The following SIPA1L3 variants were observed in gnomAD, a reference collection of about 807,000 sequenced individuals.
SIPA1L3 encodes the protein signal induced proliferation associated 1 like 3, also known as signal-induced proliferation-associated 1-like protein 3.
Under a neutral mutation model 150.1 loss-of-function variants are expected in SIPA1L3, and 59 were observed. That is an observed-to-expected ratio of 0.39 (90% CI 0.32 to 0.49). The LOEUF (loss-of-function observed/expected upper bound fraction) is 0.49, where lower values mean the gene tolerates loss of function less well. SIPA1L3 is among the 20% of genes least tolerant of loss of function. SIPA1L3 has a pLI of 0.86. For missense variants in SIPA1L3, 2,211 were observed against 2,489.5 expected (o/e 0.89, Z 2.38); for synonymous variants, 1,070 against 1,077.6 (o/e 0.99, Z 0.14).
intron 16 of SIPA1L3, among the ~76,000 whole-genome samples, chr19:38,189,742 G>A (rs1972764804): frequency 6.6e-6 from 1 of 152,102 alleles, no homozygotes; most frequent in Admixed American, 6.5e-5. Flanking sequence ...CTCCAGTCTG[G>A]GCAACAGAGC....
rs1312388924 is a variant in SIPA1L3, at chr19:38,100,168, G to A, written c.1854+18G>A. On this transcript the variant is annotated intron_variant, in intron 5 of 21. Transcript: ENST00000222345. ...AGCAAGGGGTGAGTCAGGGGCTGGAGGTGGGGGTGCTGCTGGGGCAGTACC... is the reference window on the plus strand; with the variant it reads ...AGCAAGGGGTGAGTCAGGGGCTGGAAGTGGGGGTGCTGCTGGGGCAGTACC... The A allele has an allele frequency of 6.5e-7, 1 of 1,527,596 alleles. No individual in the cohort carries two copies. The highest frequency in any genetic ancestry group is 2.2e-5 in the Admixed American group (1 of 45,450). 94.6% of individuals were successfully genotyped at this position (1,527,596 alleles called of 1,614,324 possible).
chr19:37,976,370 A>G (rs537402743), intron 1 of SIPA1L3, among the ~76,000 whole-genome samples: 19 of 152,234 alleles, frequency 1.2e-4, no homozygotes, highest in Middle Eastern at 3.4e-3. Context: ...TCCAACTTGT[A>G]AAATATTTGT....
At chr19:38,057,578 T>G (rs904080514) in intron 2 of SIPA1L3, among the ~76,000 whole-genome samples, 9 of 152,012 alleles carry the variant, frequency 5.9e-5, no homozygotes, top group Non-Finnish European at 8.8e-5. Context: ...CTATGAATTT[T>G]TCTGCATCTC....
intron 1 of SIPA1L3, among the ~76,000 whole-genome samples, chr19:38,023,991 T>A (rs1968441691): frequency 1.3e-5 from 2 of 151,718 alleles, no homozygotes; most frequent in Admixed American, 1.3e-4. Flanking sequence ...CCGGTTAGAT[T>A]GGCCAGCCCT....
chr19:37,959,132 A>AT (rs1166173277), intron 1 of SIPA1L3, among the ~76,000 whole-genome samples: 11 of 152,258 alleles, frequency 7.2e-5, no homozygotes, highest in African/African-American at 2.7e-4. Context: ...TACTCAAAAA[A>AT]ATATATACAT....
rs373592094 is a variant in SIPA1L3, at chr19:37,968,578, G to A, written c.-378-60511G>A. 2.6e-5 allele frequency among the ~76,000 whole-genome samples: 4 copies of A among 152,168 alleles called. No individual in the cohort carries two copies. The South Asian group carries it at 6.2e-4, about 24-fold the overall frequency. On this transcript the variant is annotated intron_variant, in intron 1 of 21. Transcript: ENST00000222345. Reference sequence around the variant, plus strand: ...AAAGAAAACCAAACCCAAACTGTCCGAAGGAAATGGAGATAACATGATGGA... The same window carrying A: ...AAAGAAAACCAAACCCAAACTGTCCAAAGGAAATGGAGATAACATGATGGA...
At chr19:37,959,401 A>G (rs769389869) in intron 1 of SIPA1L3, among the ~76,000 whole-genome samples, 13 of 152,236 alleles carry the variant, frequency 8.5e-5, no homozygotes, top group Non-Finnish European at 1.6e-4. Flanking sequence ...ACACACATGA[A>G]TGAAAGAAAC....
intron 8 of SIPA1L3, among the ~76,000 whole-genome samples, chr19:38,115,749 G>T (rs1345528839): frequency 4.6e-5 from 7 of 152,178 alleles, no homozygotes. Flanking sequence ...GGCCCTCCCA[G>T]ATTCTCCCTG....
chr19:38,091,363 G>A (rs1467625939), intron 4 of SIPA1L3, among the ~76,000 whole-genome samples: 2 of 152,100 alleles, frequency 1.3e-5, no homozygotes, highest in African/African-American at 4.8e-5. Context: ...TCCAGCCTGG[G>A]TGACACAGTG....
intron 1 of SIPA1L3, among the ~76,000 whole-genome samples, chr19:38,010,267 G>T (rs1309900129): frequency 6.6e-6 from 1 of 152,058 alleles, no homozygotes; most frequent in Non-Finnish European, 1.5e-5. Flanking sequence ...AATGAGCTGG[G>T]CATGTTGGCT....
chr19:38,139,352 G>A (rs567342848), intron 10 of SIPA1L3, among the ~76,000 whole-genome samples: 1 of 152,250 alleles, frequency 6.6e-6, no homozygotes, highest in East Asian at 1.9e-4. Context: ...CAGGAAGTGG[G>A]GTCAGCCCCA....
chr19:38,118,874 A>C (rs1171724501), intron 8 of SIPA1L3, among the ~76,000 whole-genome samples: 1 of 148,352 alleles, frequency 6.7e-6, no homozygotes, highest in Non-Finnish European at 1.5e-5. Context: ...CCAGCAACTT[A>C]CTAATTAGAT....
intron 1 of SIPA1L3, chr19:37,907,581 G>C (rs1345409164): frequency 6.6e-6 from 1 of 152,258 alleles, no homozygotes; most frequent in Admixed American, 6.5e-5. Context: ...GCTTGGAGGC[G>C]GGGAGCGGTG....
intron 9 of SIPA1L3, among the ~76,000 whole-genome samples, chr19:38,129,556 C>T (rs1010576036): frequency 4.7e-5 from 7 of 147,960 alleles, no homozygotes; most frequent in East Asian, 2.0e-4. Context: ...ACCCGGGAGG[C>T]GGAGGTTGCA....
At chr19:37,991,679 C>T (rs1967512372) in intron 1 of SIPA1L3, among the ~76,000 whole-genome samples, 1 of 152,226 alleles carries the variant, frequency 6.6e-6, no homozygotes. Context: ...GCTCTCTGCC[C>T]TGGAGTTCCG....
At chr19:37,962,341 C>T (rs1021074057) in intron 1 of SIPA1L3, among the ~76,000 whole-genome samples, 4 of 151,782 alleles carry the variant, frequency 2.6e-5, no homozygotes, top group African/African-American at 9.7e-5. Context: ...ATGGGGTTTC[C>T]CCATGTTGGC....
chr19:38,123,261 T>G (rs547417084), intron 9 of SIPA1L3, among the ~76,000 whole-genome samples: 10 of 149,930 alleles, frequency 6.7e-5, no homozygotes, highest in Admixed American at 1.3e-4. Context: ...GAGTTTTTTT[T>G]TTGTTTTTTT....
intron 1 of SIPA1L3, among the ~76,000 whole-genome samples, chr19:37,988,170 G>A (rs958475966): frequency 2.0e-5 from 3 of 152,088 alleles, no homozygotes; most frequent in Non-Finnish European, 4.4e-5. Flanking sequence ...TGAGGTCACG[G>A]CCCTCCCCTG....
At chr19:38,096,628 G>T (rs1439844510) in intron 4 of SIPA1L3, among the ~76,000 whole-genome samples, 1 of 152,060 alleles carries the variant, frequency 6.6e-6, no homozygotes, top group South Asian at 2.1e-4. Flanking sequence ...ATTTTTCTTT[G>T]TGCGTTCTTG....
Sources: gnomAD v4.1 joint callset for allele counts (sites outside exome capture counted in the v4.1 genomes callset) on GRCh38, gnomAD v4.1.1 for gene constraint, MANE v1.5 for transcripts, NCBI Gene and HGNC (gene_info 2026-07-23, HGNC 2026-07-21) for gene names.